COL22A1: variants seen among roughly 807,000 people sequenced by gnomAD.
The protein encoded by COL22A1 is collagen type XXII alpha 1 chain, also known as collagen alpha-1(XXII) chain.
A neutral mutation model predicts 248.9 loss-of-function variants in COL22A1; 221 were observed. That is an observed-to-expected ratio of 0.89 (90% CI 0.80 to 0.99). The LOEUF (loss-of-function observed/expected upper bound fraction) is 0.99. COL22A1 is among the 50% of genes least tolerant of loss of function. The pLI is 0.00. For missense variants in COL22A1, 2,240 were observed against 2,179.0 expected, an observed-to-expected ratio of 1.03 and a Z score of -0.56; for synonymous variants, 891 against 793.4, an observed-to-expected ratio of 1.12 and a Z score of -2.07.
chr8:138,832,999 G>T, intron 5 of COL22A1, 40 bp downstream of exon 5: 1 of 1,378,322 alleles, frequency 7.3e-7, no homozygotes, highest in South Asian at 1.2e-5. Flanking sequence ...CCTTTCCCAT[G>T]ACACCCTGGG....
chr8:138,788,993 G>T (rs1472703677), intron 12 of COL22A1, among the ~76,000 whole-genome samples: 1 of 152,192 alleles, frequency 6.6e-6, no homozygotes, highest in Admixed American at 6.5e-5. Flanking sequence ...TGTGACCGGG[G>T]TCTGCACCCT....
intron 11 of COL22A1, among the ~76,000 whole-genome samples, chr8:138,798,337 T>A (rs55633631): frequency 0.011 from 1,642 of 152,060 alleles, 37 homozygotes; most frequent in African/African-American, 0.037. Flanking sequence ...CCTGTCCCAC[T>A]TTTGTTCCTT....
chr8:138,714,604 C>T (rs1177286626), intron 30 of COL22A1, among the ~76,000 whole-genome samples: 1 of 152,202 alleles, frequency 6.6e-6, no homozygotes, highest in Admixed American at 6.5e-5. Flanking sequence ...TGGCCACATC[C>T]CATCGGCTTC....
intron 44 of COL22A1, among the ~76,000 whole-genome samples, chr8:138,659,206 C>A (rs72727862): frequency 0.019 from 2,861 of 152,248 alleles, 39 homozygotes; most frequent in Middle Eastern, 0.048. Flanking sequence ...TCCCTAACTT[C>A]CAACAAGACT....
At chr8:138,810,478 C>G (rs773860437) in intron 9 of COL22A1, among the ~76,000 whole-genome samples, 5 of 152,218 alleles carry the variant, frequency 3.3e-5, no homozygotes, top group Non-Finnish European at 7.3e-5. Context: ...GGAGCTGCTG[C>G]TTGGCACTGT....
intron 3 of COL22A1, among the ~76,000 whole-genome samples, chr8:138,865,151 C>A (rs561691531): frequency 6.6e-6 from 1 of 152,198 alleles, no homozygotes; most frequent in Non-Finnish European, 1.5e-5. Flanking sequence ...AGTAGACAGA[C>A]AGTCAAAATG....
At chr8:138,599,308 C>G (rs1389534723) in intron 60 of COL22A1, among the ~76,000 whole-genome samples, 1 of 151,950 alleles carries the variant, frequency 6.6e-6, no homozygotes, top group African/African-American at 2.4e-5. Context: ...AACCCCGTCT[C>G]TACTAAACAA....
At chr8:138,635,086 T>C in intron 48 of COL22A1, 23 bp from the exon 49 acceptor site, 1 of 1,585,434 alleles carries the variant, frequency 6.3e-7, no homozygotes, top group Non-Finnish European at 8.6e-7. Context: ...AAGATGCAAT[T>C]CTTTAAAATG....
chr8:138,650,987 A>C (rs2130564459), intron 45 of COL22A1, among the ~76,000 whole-genome samples: 1 of 152,284 alleles, frequency 6.6e-6, no homozygotes, highest in South Asian at 2.1e-4. Context: ...AATACGCGGA[A>C]GCTGCACTGT....
At chr8:138,690,326 G>A (rs1287773432) in intron 36 of COL22A1, among the ~76,000 whole-genome samples, 2 of 152,140 alleles carry the variant, frequency 1.3e-5, no homozygotes, top group African/African-American at 2.4e-5. Flanking sequence ...GCCTCGACAT[G>A]GAAAAGGCAG....
intron 12 of COL22A1, among the ~76,000 whole-genome samples, chr8:138,796,214 A>G (rs1816506409): frequency 6.6e-6 from 1 of 151,886 alleles, no homozygotes; most frequent in African/African-American, 2.4e-5. Flanking sequence ...ATTTCCCAGG[A>G]TTGGTCAAGC....
chr8:138,626,625 T>A (rs958045635), intron 50 of COL22A1, among the ~76,000 whole-genome samples: 1 of 152,154 alleles, frequency 6.6e-6, no homozygotes, highest in Non-Finnish European at 1.5e-5. Flanking sequence ...TCTCTACCCA[T>A]ACAGCACATA....
rs145074537 is a variant in COL22A1 at position 138,594,077 on chromosome 8, C to T, written c.4555G>A (p.Glu1519Lys). 5.0e-5 allele frequency: 80 copies of T among 1,590,148 alleles called. No individual in the cohort carries two copies. In the African/African-American group the frequency reaches 6.5e-4, roughly 13 times the overall value. Reference sequence around the variant, plus strand: ...CCCCCCTGCCCAGGACGACCTGGCTCCCCCATGGGGCCGGCCCGGCCTGGA... The same window carrying T: ...CCCCCCTGCCCAGGACGACCTGGCTTCCCCATGGGGCCGGCCCGGCCTGGA... ...GLPGRAGPMG[E>K]PGRPGQGGLE... The change falls in exon 63 of 65, where the codon GAG becomes AAG. Residue 1519 changes from glutamate (E) to lysine (K), a missense_variant. Transcript: ENST00000303045.
intron 30 of COL22A1, among the ~76,000 whole-genome samples, chr8:138,706,682 G>A (rs1471453951): frequency 1.3e-5 from 2 of 152,182 alleles, no homozygotes; most frequent in East Asian, 3.8e-4. Flanking sequence ...ACAAGAGAAA[G>A]CAGGAAAGAT....
At chr8:138,705,096 C>T (rs1393592308) in intron 30 of COL22A1, among the ~76,000 whole-genome samples, 2 of 151,968 alleles carry the variant, frequency 1.3e-5, no homozygotes, top group Non-Finnish European at 2.9e-5. Context: ...AGAGTAAAGA[C>T]AAATGAACAA....
At chr8:138,678,471 G>A (rs1025009211) in intron 40 of COL22A1, among the ~76,000 whole-genome samples, 1 of 151,916 alleles carries the variant, frequency 6.6e-6, no homozygotes, top group Admixed American at 6.6e-5. Flanking sequence ...AGTATAATCT[G>A]TTTCTTTAGA....
rs35796946 is a variant in COL22A1, at chr8:138,720,331, C to T, written c.2355+408G>A. Among the ~76,000 whole-genome samples the T allele has an allele frequency of 2.8e-3, 419 of 152,202 alleles. 10 individuals carry two copies. The East Asian group carries it at 0.043, about 16-fold the overall frequency. ...AAGGTAGAACACAGTTCAGAGAGAG[C>T]GAGCGAGCACTTGTATCTGTTCCTC... On this transcript the variant is annotated intron_variant, in intron 27 of 64. Transcript: ENST00000303045.
At chr8:138,643,755 A>C (rs1341865391) in intron 47 of COL22A1, among the ~76,000 whole-genome samples, 1 of 152,052 alleles carries the variant, frequency 6.6e-6, no homozygotes, top group Non-Finnish European at 1.5e-5. Flanking sequence ...GCTGGAGTGC[A>C]GTGTCACAAT....
At chr8:138,717,058 C>G (rs375065948) in intron 27 of COL22A1, among the ~76,000 whole-genome samples, 189 bp from the exon 28 acceptor site, 3 of 152,350 alleles carry the variant, frequency 2.0e-5, no homozygotes. Context: ...TTTTGCAGAG[C>G]AGAATCCACT....
Sources: allele counts gnomAD v4.1 joint callset (sites outside exome capture counted in the v4.1 genomes callset), GRCh38; gene constraint gnomAD v4.1.1; transcripts MANE v1.5; gene names NCBI Gene and HGNC (gene_info 2026-07-23, HGNC 2026-07-21).